Variants in NCAM2 observed in about 807,000 individuals in gnomAD.
NCAM2 encodes the protein neural cell adhesion molecule 2, also known as N-CAM-2.
In NCAM2, 30 loss-of-function variants were observed where a neutral mutation model predicts 98.1. That is an observed-to-expected ratio of 0.31 (90% CI 0.23 to 0.41). The LOEUF (loss-of-function observed/expected upper bound fraction) is 0.41, where lower values mean the gene tolerates loss of function less well. Ranked by LOEUF, NCAM2 falls within the 10% of genes least tolerant of loss-of-function variation. The probability of loss-of-function intolerance (pLI) is 1.00; values close to 1 mark genes in which losing one functional copy is unlikely to be tolerated. For missense variants in NCAM2, 867 were observed against 1,005.8 expected, an observed-to-expected ratio of 0.86 and a Z score of 1.87; for synonymous variants, 368 against 342.4, an observed-to-expected ratio of 1.07 and a Z score of -0.83.
At chr21:21,432,802 C>T (rs1189322446) in intron 12 of NCAM2, among the ~76,000 whole-genome samples, 5 of 151,926 alleles carry the variant, frequency 3.3e-5, no homozygotes, top group Middle Eastern at 3.4e-3. Flanking sequence ...TTTTCACTTA[C>T]GTAAAATTTC....
chr21:21,339,928 T>C (rs1363155656), intron 8 of NCAM2, among the ~76,000 whole-genome samples: 1 of 151,852 alleles, frequency 6.6e-6, no homozygotes, highest in African/African-American at 2.4e-5. Flanking sequence ...TTTTATATAT[T>C]CAAGTTGAAA....
At chr21:21,334,868 A>G (rs1393580168) in intron 6 of NCAM2, among the ~76,000 whole-genome samples, 2 of 152,108 alleles carry the variant, frequency 1.3e-5, no homozygotes, top group African/African-American at 4.8e-5. Flanking sequence ...AAAAACCTTA[A>G]AAATATTGAT....
At chr21:21,146,218 C>G (rs1402976972) in intron 1 of NCAM2, among the ~76,000 whole-genome samples, 3 of 151,940 alleles carry the variant, frequency 2.0e-5, no homozygotes, top group African/African-American at 4.8e-5. Context: ...ATAGTTCATA[C>G]AAATACACTT....
At chr21:21,372,842 A>G (rs2075950537) in intron 8 of NCAM2, among the ~76,000 whole-genome samples, 1 of 151,920 alleles carries the variant, frequency 6.6e-6, no homozygotes, top group African/African-American at 2.4e-5. Flanking sequence ...ATATACACCA[A>G]TAGTTTTTCA....
At chr21:21,390,058 C>A (rs2076348733) in intron 9 of NCAM2, among the ~76,000 whole-genome samples, 4 of 152,124 alleles carry the variant, frequency 2.6e-5, no homozygotes. Context: ...CCATGTTGAC[C>A]AGGATGGTCT....
chr21:21,325,080 C>T (rs986390378), intron 6 of NCAM2, among the ~76,000 whole-genome samples: 1 of 151,652 alleles, frequency 6.6e-6, no homozygotes, highest in South Asian at 2.1e-4. Context: ...TTATTAAGTT[C>T]AAGAATATTT....
intron 1 of NCAM2, among the ~76,000 whole-genome samples, chr21:21,274,706 C>G (rs1246673047): frequency 6.6e-6 from 1 of 152,066 alleles, no homozygotes; most frequent in Non-Finnish European, 1.5e-5. Context: ...TCTTTTAACA[C>G]TGTTAATGTG....
intron 1 of NCAM2, among the ~76,000 whole-genome samples, chr21:21,229,625 G>T (rs953882038): frequency 6.6e-6 from 1 of 151,404 alleles, no homozygotes; most frequent in African/African-American, 2.4e-5. Context: ...CAATTGCATT[G>T]TAATAGTTGT....
chr21:21,448,534 A>ATAAG (rs1421820255), intron 12 of NCAM2, among the ~76,000 whole-genome samples: 2 of 151,442 alleles, frequency 1.3e-5, no homozygotes, highest in East Asian at 3.9e-4. Context: ...AAATAAATAA[A>ATAAG]TAAGTAAAAT....
At chr21:21,306,097 C>T (rs2073871278) in intron 5 of NCAM2, among the ~76,000 whole-genome samples, 1 of 152,074 alleles carries the variant, frequency 6.6e-6, no homozygotes, top group Non-Finnish European at 1.5e-5. Flanking sequence ...CTAATGAGGT[C>T]AGAGAACATA....
chr21:21,399,096 A>G (rs1339827384), intron 9 of NCAM2, among the ~76,000 whole-genome samples: 9 of 152,190 alleles, frequency 5.9e-5, no homozygotes, highest in Non-Finnish European at 8.8e-5. Context: ...TGAGGATCCA[A>G]TGGGGTTGGA....
intron 12 of NCAM2, among the ~76,000 whole-genome samples, chr21:21,447,535 C>A (rs1476037345): frequency 6.6e-6 from 1 of 151,994 alleles, no homozygotes; most frequent in Non-Finnish European, 1.5e-5. Context: ...CAACAAAAGC[C>A]AAATTTGACA....
At chr21:21,246,286 A>C (rs1453203930) in intron 1 of NCAM2, among the ~76,000 whole-genome samples, 1 of 152,104 alleles carries the variant, frequency 6.6e-6, no homozygotes, top group Non-Finnish European at 1.5e-5. Flanking sequence ...ATAAGATCCT[A>C]GCCAAAACCA....
intron 15 of NCAM2, among the ~76,000 whole-genome samples, chr21:21,499,344 C>T (rs972722790): frequency 7.9e-5 from 12 of 152,136 alleles, no homozygotes; most frequent in African/African-American, 2.2e-4. Flanking sequence ...CAGGTTCAAG[C>T]GATTCTCCTG....
At chr21:21,117,585 A>G (rs1014806133) in intron 1 of NCAM2, among the ~76,000 whole-genome samples, 1 of 152,188 alleles carries the variant, frequency 6.6e-6, no homozygotes, top group African/African-American at 2.4e-5. Flanking sequence ...AAATACTACA[A>G]TTTGCAATAA....
rs535352400 is a variant in NCAM2 at position 21,119,566 on chromosome 21, G to A, written c.55+120948G>A. Among the ~76,000 whole-genome samples, 9 of 486 alleles carry A rather than the reference G, an allele frequency of 0.019. No homozygotes were observed. The South Asian group carries it at 0.33, about 18-fold the overall frequency. The allele number at this position is 486 out of a possible 152,430, so 0.3% of individuals were successfully genotyped here. On this transcript the variant is annotated intron_variant, in intron 1 of 17. Coordinates refer to ENST00000400546, the MANE Select transcript of NCAM2 (RefSeq NM_004540.5). ...CATAGTTTATAAAATGGCAGAAAATGTATCAACTAATTATATGTGTCTTAA... is the reference window on the plus strand; with the variant it reads ...CATAGTTTATAAAATGGCAGAAAATATATCAACTAATTATATGTGTCTTAA...
chr21:21,208,219 A>G (rs1190428134), intron 1 of NCAM2, among the ~76,000 whole-genome samples: 1 of 152,208 alleles, frequency 6.6e-6, no homozygotes, highest in East Asian at 1.9e-4. Context: ...AAATTACAAT[A>G]AAAAATGTTT....
chr21:21,388,001 C>A (rs1237673553), intron 9 of NCAM2, among the ~76,000 whole-genome samples: 2 of 152,144 alleles, frequency 1.3e-5, no homozygotes, highest in Non-Finnish European at 2.9e-5. Flanking sequence ...TTGGAAACTG[C>A]TGATCAAAGC....
chr21:21,138,866 C>A (rs1322409027), intron 1 of NCAM2, among the ~76,000 whole-genome samples: 2 of 152,028 alleles, frequency 1.3e-5, no homozygotes, highest in Non-Finnish European at 2.9e-5. Flanking sequence ...TAAAATAACC[C>A]TTTAATGTAG....
Sources: allele counts gnomAD v4.1 joint callset (sites outside exome capture counted in the v4.1 genomes callset), GRCh38; gene constraint gnomAD v4.1.1; transcripts MANE v1.5; gene names NCBI Gene and HGNC (gene_info 2026-07-23, HGNC 2026-07-21).